UNC5D: variants seen among roughly 807,000 people sequenced by gnomAD.
The protein encoded by UNC5D is netrin receptor UNC5D.
In UNC5D, 39 loss-of-function variants were observed where a neutral mutation model predicts 105.4. That is an observed-to-expected ratio of 0.37 (90% CI 0.29 to 0.48). The LOEUF (loss-of-function observed/expected upper bound fraction) is 0.48, where lower values mean the gene tolerates loss of function less well. UNC5D is among the 20% of genes least tolerant of loss of function. The pLI, the probability that UNC5D is intolerant of heterozygous loss-of-function variation, is 0.98. For synonymous variants in UNC5D, 452 were observed against 450.4 expected, an observed-to-expected ratio of 1.00 and a Z score of -0.04; for missense variants, 991 against 1,202.4, an observed-to-expected ratio of 0.82 and a Z score of 2.60.
chr8:35,265,143 G>C (rs886396922), intron 1 of UNC5D, among the ~76,000 whole-genome samples: 3 of 152,144 alleles, frequency 2.0e-5, no homozygotes, highest in Admixed American at 2.0e-4. Context: ...ACTTTAAAGT[G>C]ACCTTATTTA....
intron 1 of UNC5D, among the ~76,000 whole-genome samples, chr8:35,316,015 C>A (rs77484343): frequency 1.3e-5 from 2 of 152,094 alleles, no homozygotes; most frequent in Non-Finnish European, 2.9e-5. Flanking sequence ...TTAAAGAGAT[C>A]GGTCGAGCTA....
At chr8:35,338,565 T>C (rs1197752543) in intron 1 of UNC5D, among the ~76,000 whole-genome samples, 1 of 152,112 alleles carries the variant, frequency 6.6e-6, no homozygotes, top group Non-Finnish European at 1.5e-5. Flanking sequence ...GATTTTCTGT[T>C]AGAGACCAGA....
Position 35,315,322 on chromosome 8 carries a change from C to T in UNC5D, c.103+79435C>T, listed in dbSNP as rs866317022. ...GGTGATTGTTCCCCTATGGGGCAGG[C>T]TTGGGTCATCTTGGCTGGATTTGCT... On this transcript the variant is annotated intron_variant, in intron 1 of 16. Transcript: ENST00000404895. 1.9e-4 allele frequency among the ~76,000 whole-genome samples: 29 copies of T among 152,246 alleles called. 1 individual carries two copies. Among genetic ancestry groups the T allele is most frequent in the African/African-American group, 6.7e-4 (28 of 41,554 alleles).
At chr8:35,489,499 G>A (rs562922671) in intron 1 of UNC5D, among the ~76,000 whole-genome samples, 21 of 152,172 alleles carry the variant, frequency 1.4e-4, no homozygotes, top group African/African-American at 4.3e-4. Flanking sequence ...GTCCTTATAC[G>A]AATAGAAATT....
chr8:35,286,455 A>C (rs376825744), intron 1 of UNC5D, among the ~76,000 whole-genome samples: 2 of 152,186 alleles, frequency 1.3e-5, no homozygotes, highest in Non-Finnish European at 2.9e-5. Context: ...GCCAATGATT[A>C]TGGAGGGAGC....
chr8:35,340,265 A>T (rs1811367453), intron 1 of UNC5D, among the ~76,000 whole-genome samples: 1 of 152,170 alleles, frequency 6.6e-6, no homozygotes, highest in Non-Finnish European at 1.5e-5. Flanking sequence ...TGATAGCAGG[A>T]ATACACGACT....
At chr8:35,353,628 A>G (rs1812399471) in intron 1 of UNC5D, among the ~76,000 whole-genome samples, 1 of 152,190 alleles carries the variant, frequency 6.6e-6, no homozygotes, top group South Asian at 2.1e-4. Flanking sequence ...GACTACAGGC[A>G]TCTTAAAGTT....
intron 1 of UNC5D, among the ~76,000 whole-genome samples, chr8:35,378,014 G>C (rs1227681735): frequency 1.3e-5 from 2 of 151,952 alleles, no homozygotes; most frequent in African/African-American, 4.8e-5. Flanking sequence ...TATAATGTTT[G>C]GTTCCCAGTG....
intron 1 of UNC5D, among the ~76,000 whole-genome samples, chr8:35,479,835 C>T (rs1810359880): frequency 6.6e-6 from 1 of 152,140 alleles, no homozygotes; most frequent in South Asian, 2.1e-4. Context: ...ATGTTCACTA[C>T]CTTGGTGATG....
chr8:35,419,211 C>A (rs1528721), intron 1 of UNC5D, among the ~76,000 whole-genome samples: 1 of 152,012 alleles, frequency 6.6e-6, no homozygotes, highest in Non-Finnish European at 1.5e-5. Flanking sequence ...TCTTTTGAAT[C>A]TTTGTGACCA....
In UNC5D at chr8:35,527,395, C is replaced by T. The variant is rs181756648; in HGVS notation, c.104-21897C>T. 8.5e-5 allele frequency among the ~76,000 whole-genome samples: 13 copies of T among 152,204 alleles called. No individual in the cohort carries two copies. The East Asian group carries it at 2.3e-3, about 27-fold the overall frequency. ...GCTTAAACAAGAGAAACTTATTGCTCAAAGTTCTTAGGGCTAAGAAGTCCA... is the reference window on the plus strand; with the variant it reads ...GCTTAAACAAGAGAAACTTATTGCTTAAAGTTCTTAGGGCTAAGAAGTCCA... On this transcript the variant is annotated intron_variant, in intron 1 of 16. Coordinates refer to ENST00000404895, the MANE Select transcript of UNC5D (RefSeq NM_080872.4).
intron 4 of UNC5D, among the ~76,000 whole-genome samples, chr8:35,599,302 T>C (rs1341022690): frequency 2.0e-5 from 3 of 152,206 alleles, no homozygotes; most frequent in Non-Finnish European, 4.4e-5. Flanking sequence ...TGTGGTACAA[T>C]ATGGTGACTA....
intron 1 of UNC5D, among the ~76,000 whole-genome samples, chr8:35,545,561 C>A (rs552039367): frequency 6.6e-6 from 1 of 152,024 alleles, no homozygotes; most frequent in Admixed American, 6.6e-5. Context: ...GGAATGAGAG[C>A]CTGACCCAGT....
At chr8:35,515,506 G>A (rs1813045845) in intron 1 of UNC5D, among the ~76,000 whole-genome samples, 1 of 152,140 alleles carries the variant, frequency 6.6e-6, no homozygotes, top group Non-Finnish European at 1.5e-5. Flanking sequence ...CCAACATGGT[G>A]AAACCTCGTC....
intron 1 of UNC5D, among the ~76,000 whole-genome samples, chr8:35,493,101 GTC>G (rs1811318551): frequency 6.6e-6 from 1 of 151,926 alleles, no homozygotes; most frequent in South Asian, 2.1e-4. Flanking sequence ...TGGTTAAAAA[GTC>G]TTTGATTTGA....
At chr8:35,439,706 CTTTTTCCATCTTCTAAATATGGAAAGTCG>C (rs1251682583) in intron 1 of UNC5D, among the ~76,000 whole-genome samples, 15 of 151,914 alleles carry the variant, frequency 9.9e-5, no homozygotes, top group Non-Finnish European at 1.3e-4. Flanking sequence ...ATGGAAAGTC[CTTTTTCCATCTTCTAAATATGGAAAGTCG>C]TTTTTCCATC....
intron 15 of UNC5D, 98 bp downstream of exon 15, chr8:35,767,164 A>G (rs1435058483): frequency 3.6e-6 from 5 of 1,375,446 alleles, no homozygotes; most frequent in African/African-American, 1.4e-5. Context: ...GTTCTGAAAG[A>G]GCTTCAAAAT....
chr8:35,373,321 G>A (rs1186363666), intron 1 of UNC5D, among the ~76,000 whole-genome samples: 1 of 152,144 alleles, frequency 6.6e-6, no homozygotes, highest in Non-Finnish European at 1.5e-5. Flanking sequence ...ACCATATGGT[G>A]CTCAGTGAAT....
intron 1 of UNC5D, among the ~76,000 whole-genome samples, chr8:35,241,017 C>A (rs552691190): frequency 6.6e-6 from 1 of 152,090 alleles, no homozygotes; most frequent in Non-Finnish European, 1.5e-5. Flanking sequence ...GCAGATCCCA[C>A]GAGACTATTT....
Sources: allele counts gnomAD v4.1 joint callset (sites outside exome capture counted in the v4.1 genomes callset), GRCh38; gene constraint gnomAD v4.1.1; transcripts MANE v1.5; gene names NCBI Gene and HGNC (gene_info 2026-07-23, HGNC 2026-07-21).